ACOT11: variants seen among roughly 807,000 people sequenced by gnomAD.
The protein encoded by ACOT11 is acyl-CoA thioesterase 11.
In ACOT11, 69 loss-of-function variants were observed where a neutral mutation model predicts 77.5. The ratio of observed to expected loss-of-function variants is 0.89; its 90% CI spans 0.73 to 1.09. The LOEUF (loss-of-function observed/expected upper bound fraction) is 1.09. ACOT11 is among the 50% of genes least tolerant of loss of function. ACOT11 has a pLI of 0.00. For missense variants in ACOT11, 766 were observed against 813.7 expected, an observed-to-expected ratio of 0.94 and a Z score of 0.71; for synonymous variants, 279 against 313.0, an observed-to-expected ratio of 0.89 and a Z score of 1.15.
Position 54,609,296 on chromosome 1 carries a change from T to C in ACOT11, c.*184T>C. 1 of 1,609,240 alleles carries C rather than the reference T, an allele frequency of 6.2e-7. No individual in the cohort carries two copies. Among genetic ancestry groups the C allele is most frequent in the Non-Finnish European group, 8.5e-7 (1 of 1,176,356 alleles). Reference sequence around the variant, plus strand: ...GTTTCTACCAACATGAGCCAGCAAGTCCTTGTGGTAGCCCTGGGGTAGCCT... The same window carrying C: ...GTTTCTACCAACATGAGCCAGCAAGCCCTTGTGGTAGCCCTGGGGTAGCCT... On this transcript the variant is annotated 3_prime_UTR_variant, in exon 16 of 16. Coordinates refer to ENST00000343744, the MANE Select transcript of ACOT11 (RefSeq NM_147161.4).
chr1:54,602,007 CCTGGCCTTCCTG>C (rs1557663619), intron 9 of ACOT11, among the ~76,000 whole-genome samples: 1 of 152,256 alleles, frequency 6.6e-6, no homozygotes, highest in Non-Finnish European at 1.5e-5. Flanking sequence ...GGGGAGGTCC[CCTGGCCTTCCTG>C]CTGGCCTTCC....
At chr1:54,603,417 T>C (rs1643988167) in intron 10 of ACOT11, among the ~76,000 whole-genome samples, 2 of 152,208 alleles carry the variant, frequency 1.3e-5, no homozygotes, top group African/African-American at 2.4e-5. Context: ...TTATGGACTT[T>C]AGAGGCTGTA....
intron 1 of ACOT11, among the ~76,000 whole-genome samples, chr1:54,581,035 C>T (rs1226444267): frequency 1.3e-5 from 2 of 152,120 alleles, no homozygotes; most frequent in South Asian, 2.1e-4. Context: ...GGGGAGCCAT[C>T]GAAGAGTCCT....
Position 54,605,176 on chromosome 1 carries a change from T to A in ACOT11, c.1337T>A (p.Leu446Gln). 1 of 1,613,758 alleles carries A rather than the reference T, an allele frequency of 6.2e-7. No homozygotes were observed. Among genetic ancestry groups the A allele is most frequent in the Non-Finnish European group, 8.5e-7 (1 of 1,180,016 alleles). ...CAGGCCTTCCTGCTGCTCTCGGACC[T>A]GCGTCAGAGGCCAGAGTGGGACAAG... ...AAQAFLLLSDLRQRPEWDKHY... is the reference protein window; with the variant it reads ...AAQAFLLLSDQRQRPEWDKHY... The change falls in exon 13 of 16, where the codon CTG becomes CAG. Residue 446 changes from leucine to glutamine, a missense_variant. By Grantham distance (113) the Leu-to-Gln change is moderately radical. Coordinates refer to ENST00000343744, the MANE Select transcript of ACOT11 (RefSeq NM_147161.4).
rs1274904545 is a variant in ACOT11 at position 54,607,704 on chromosome 1, AAGTCCAC to A, written c.1503-234_1503-228del. Among the ~76,000 whole-genome samples, 1 of 151,878 alleles carries A rather than the reference AAGTCCAC, an allele frequency of 6.6e-6. No individual in the cohort carries two copies. The highest frequency in any genetic ancestry group is 1.9e-4 in the East Asian group (1 of 5,154). On this transcript the variant is annotated intron_variant, in intron 14 of 15. Coordinates refer to ENST00000343744, the MANE Select transcript of ACOT11 (RefSeq NM_147161.4). The surrounding 1 kb of genome is among the most constrained non-coding windows in gnomAD (Gnocchi z 4.5). The stretch of plus-strand genomic sequence containing the variant: ...GTTGAAGTGGAGTGGCTTTTCCAGA[AAGTCCAC>A]AGTGAAGTCAGGTTGGCTCCTGGTG...
Position 54,603,913 on chromosome 1 carries a change from C to T in ACOT11, c.1128C>T (p.Ser376=), listed in dbSNP as rs745659196. 35 of 1,614,018 alleles carry T rather than the reference C, an allele frequency of 2.2e-5. No individual in the cohort carries two copies. The highest frequency in any genetic ancestry group is 8.9e-5 in the East Asian group (4 of 44,892). ...VSCKQTEVPL[S]VPWDPSNQVY... is the part of the protein sequence containing the mutation. ...GTAAGCAGACAGAGGTGCCCCTCTC[C>T]GTCCCCTGGGACCCTAGCAACCAGG... Residue 376 remains serine (S), a synonymous_variant, in exon 11 of 16, where the codon TCC becomes TCT. Coordinates refer to ENST00000343744, the MANE Select transcript of ACOT11 (RefSeq NM_147161.4).
At chr1:54,599,876 T>C (rs1442525291) in intron 8 of ACOT11, among the ~76,000 whole-genome samples, 1 of 152,290 alleles carries the variant, frequency 6.6e-6, no homozygotes, top group African/African-American at 2.4e-5. Flanking sequence ...AAGCTGACTT[T>C]AAATAAGTAA....
In ACOT11 at chr1:54,609,066, T is replaced by C; in HGVS notation, c.1739T>C (p.Leu580Pro). The change falls in exon 16 of 16, where the codon CTC becomes CCC. Residue 580 changes from leucine (L) to proline (P), a missense_variant. By Grantham distance (98) the Leu-to-Pro change is moderately conservative. Transcript: ENST00000343744. ...YTTFKACEQF[L>P]LDNRNDLAPS... ...ACCTTCAAGGCTTGTGAGCAGTTTC[T>C]CTTGGACAACCGGAATGATCTGGCC... The C allele has an allele frequency of 1.9e-6, 3 of 1,614,134 alleles. No individual in the cohort carries two copies. The Admixed American group carries it at 5.0e-5, about 27-fold the overall frequency.
chr1:54,563,735 C>A (rs1653635031), intron 1 of ACOT11, among the ~76,000 whole-genome samples: 1 of 151,976 alleles, frequency 6.6e-6, no homozygotes, highest in Non-Finnish European at 1.5e-5. Flanking sequence ...CCATCCTGGG[C>A]AACACAGACC....
exon 17 of ACOT11, chr1:54,637,320 TA>T (rs1187229932): frequency 1.3e-5 from 2 of 151,126 alleles, no homozygotes; most frequent in Non-Finnish European, 1.5e-5. Flanking sequence ...CCTTCTCTAC[TA>T]AAAATATGAA....
intron 1 of ACOT11, among the ~76,000 whole-genome samples, chr1:54,562,960 C>T (rs1487100874): frequency 2.1e-5 from 3 of 143,636 alleles, no homozygotes; most frequent in East Asian, 4.2e-4. Context: ...ACATCCCAGA[C>T]GATGGGCGGC....
chr1:54,604,578 A>G (rs1644002748), intron 12 of ACOT11, 149 bp downstream of exon 12: 2 of 752,186 alleles, frequency 2.7e-6, no homozygotes, highest in East Asian at 5.4e-5. Context: ...CAGTTATGGA[A>G]ACGTACCCAC....
chr1:54,552,198 C>T (rs1653095344), intron 1 of ACOT11, among the ~76,000 whole-genome samples: 1 of 152,108 alleles, frequency 6.6e-6, no homozygotes, highest in Non-Finnish European at 1.5e-5. Context: ...TGTCTGCCAC[C>T]ATGAAGTTGA....
chr1:54,592,341 A>G (rs1654740735), intron 3 of ACOT11, among the ~76,000 whole-genome samples: 2 of 152,212 alleles, frequency 1.3e-5, no homozygotes, highest in Admixed American at 1.3e-4. Flanking sequence ...TCTCAGCCTC[A>G]GCTTAACCAT....
At chr1:54,614,675 C>G (rs1164989665), downstream of ACOT11, 4 of 1,598,844 alleles carry the variant, frequency 2.5e-6, no homozygotes, top group East Asian at 6.7e-5. Context: ...CTGGACACAG[C>G]TGGGACAGAG....
At chr1:54,599,729 G>A (rs553432524) in intron 8 of ACOT11, 71 of 182,616 alleles carry the variant, frequency 3.9e-4, no homozygotes, top group Middle Eastern at 2.1e-3. Flanking sequence ...TGCCTGGACC[G>A]CTGTAGATGC....
intron 15 of ACOT11, among the ~76,000 whole-genome samples, chr1:54,624,793 G>T (rs11805111): frequency 6.6e-6 from 1 of 152,086 alleles, no homozygotes. Context: ...GTTTAGAGGG[G>T]CCAGGAAAGA....
chr1:54,564,895 G>A (rs1181317695), intron 1 of ACOT11, among the ~76,000 whole-genome samples: 1 of 152,168 alleles, frequency 6.6e-6, no homozygotes, highest in Admixed American at 6.5e-5. Flanking sequence ...ACAGAGAAGG[G>A]GTGTTAAGAG....
chr1:54,589,477 A>G (rs1654628643), intron 3 of ACOT11, among the ~76,000 whole-genome samples: 1 of 151,912 alleles, frequency 6.6e-6, no homozygotes, highest in Non-Finnish European at 1.5e-5. Context: ...CTTTGCAGTT[A>G]TTTATTTTTT....
Sources: gnomAD v4.1 joint callset for allele counts (sites outside exome capture counted in the v4.1 genomes callset) on GRCh38, gnomAD v4.1.1 for gene constraint, Gnocchi (gnomAD v3.1) non-coding constraint, MANE v1.5 for transcripts, NCBI Gene and HGNC (gene_info 2026-07-23, HGNC 2026-07-21) for gene names.